The following TERF2IP variants were observed in gnomAD, a reference collection of about 807,000 sequenced individuals.
The protein encoded by TERF2IP is telomeric repeat-binding factor 2-interacting protein 1.
A neutral mutation model predicts 33.3 loss-of-function variants in TERF2IP; 35 were observed. The ratio of observed to expected loss-of-function variants is 1.05; its 90% CI spans 0.80 to 1.39. TERF2IP has a LOEUF of 1.39. Among genes scored for constraint, TERF2IP ranks in the 40% most tolerant of loss-of-function variants. TERF2IP has a pLI of 0.00. For synonymous variants in TERF2IP, 253 were observed against 223.2 expected (o/e 1.13, Z -1.19); for missense variants, 583 against 524.8 (o/e 1.11, Z -1.08).
At chr16:75,650,748 G>C (rs1025449884) in intron 1 of TERF2IP, among the ~76,000 whole-genome samples, 2 of 152,032 alleles carry the variant, frequency 1.3e-5, no homozygotes, top group African/African-American at 4.8e-5. Context: ...TGTTGCCCAG[G>C]CTGGTCTCGA....
chr16:75,651,115 CA>C (rs1456692059), intron 1 of TERF2IP, among the ~76,000 whole-genome samples: 1 of 151,802 alleles, frequency 6.6e-6, no homozygotes, highest in East Asian at 1.9e-4. Flanking sequence ...GTTATGAAGC[CA>C]AAAAGACAAA....
chr16:75,652,724 G>A (rs75249394), intron 1 of TERF2IP, among the ~76,000 whole-genome samples: 46 of 152,120 alleles, frequency 3.0e-4, no homozygotes, highest in East Asian at 5.8e-4. Flanking sequence ...TGTATATACC[G>A]TAAAATTTAC....
chr16:75,647,783 T>G lies in TERF2IP; in HGVS notation c.-100T>G, dbSNP rs1028962639. ...CTGCTGCGCAGGCCCAGTGCTGCGC[T>G]TCGCGGCAGAGGCGTCTGCGGTGAC... is the stretch of plus-strand genomic sequence containing the variant. On this transcript the variant is annotated 5_prime_UTR_variant, in exon 1 of 3. Transcript: ENST00000300086. 9 of 1,574,132 alleles carry G rather than the reference T, an allele frequency of 5.7e-6. No homozygotes were observed. Among genetic ancestry groups the G allele is most frequent in the Non-Finnish European group, 7.8e-6 (9 of 1,147,334 alleles).
At chr16:75,649,531 A>C (rs1295186398) in intron 1 of TERF2IP, among the ~76,000 whole-genome samples, 1 of 149,878 alleles carries the variant, frequency 6.7e-6, no homozygotes, top group Admixed American at 6.8e-5. Context: ...GTGACAGAGC[A>C]AGACTCCATC....
intron 2 of TERF2IP, among the ~76,000 whole-genome samples, chr16:75,655,612 C>G (rs1433261053): frequency 2.0e-5 from 3 of 152,212 alleles, no homozygotes; most frequent in Non-Finnish European, 4.4e-5. Flanking sequence ...ACTTCAAACA[C>G]TCAGCTCTCA....
At chr16:75,651,059 C>G (rs1198321099) in intron 1 of TERF2IP, among the ~76,000 whole-genome samples, 1 of 151,994 alleles carries the variant, frequency 6.6e-6, no homozygotes, top group Non-Finnish European at 1.5e-5. Context: ...AGGATGCTGC[C>G]TGATTTGCCA....
At chr16:75,653,417 G>C (rs561513865) in intron 1 of TERF2IP, among the ~76,000 whole-genome samples, 11 of 152,176 alleles carry the variant, frequency 7.2e-5, no homozygotes, top group African/African-American at 2.4e-4. Flanking sequence ...TTTTAACATA[G>C]GTAAATTTTT....
chr16:75,656,609 T>C lies in TERF2IP; in HGVS notation c.1198T>C (p.Ter400GlnextTer4). 1.3e-6 allele frequency: 2 copies of C among 1,589,878 alleles called. No homozygotes were observed. Among genetic ancestry groups the C allele is most frequent in the South Asian group, 2.3e-5 (2 of 87,152 alleles). Residue 400 changes from the stop codon to glutamine, a stop_lost, in exon 3 of 3, where the codon TAA becomes CAA. Coordinates refer to ENST00000300086, the MANE Select transcript of TERF2IP (RefSeq NM_018975.4). Reference protein sequence around the residue: ...VARRIEFRKK* With the variant: ...VARRIEFRKKQ ...TCGGAGGATTGAATTTCGAAAGAAA[T>C]AATTGGCAAGATAATGAGAAAAGAA...
chr16:75,653,131 G>A (rs1042750120), intron 1 of TERF2IP, among the ~76,000 whole-genome samples: 2 of 152,142 alleles, frequency 1.3e-5, no homozygotes, highest in Non-Finnish European at 2.9e-5. Context: ...TCCATTGTAT[G>A]TATATACTAC....
intron 1 of TERF2IP, among the ~76,000 whole-genome samples, chr16:75,651,661 C>G (rs1175137028): frequency 2.0e-5 from 3 of 152,026 alleles, no homozygotes; most frequent in Admixed American, 1.3e-4. Flanking sequence ...TGCACTCCAG[C>G]CTGGGTGACA....
chr16:75,647,978 C>T lies in TERF2IP; in HGVS notation c.96C>T (p.Tyr32=). 2 of 1,613,734 alleles carry T rather than the reference C, an allele frequency of 1.2e-6. No individual in the cohort carries two copies. The highest frequency in any genetic ancestry group is 1.7e-6 in the Non-Finnish European group (2 of 1,179,886). Residue 32 remains tyrosine, a synonymous_variant, in exon 1 of 3, where the codon TAC becomes TAT. Transcript: ENST00000300086. ...VRDDGSSMSF[Y]VRPSPAKRRL... ...ACGACGGCAGCTCCATGTCCTTCTA[C>T]GTGCGGCCCAGCCCGGCCAAGCGTC...
intron 1 of TERF2IP, among the ~76,000 whole-genome samples, chr16:75,652,107 A>T (rs1278346280): frequency 6.6e-6 from 1 of 152,198 alleles, no homozygotes; most frequent in Admixed American, 6.5e-5. Context: ...TATCCCGTAG[A>T]TATACTCAGA....
chr16:75,648,354 G>A lies in TERF2IP; in HGVS notation c.472G>A (p.Val158Ile). 6.3e-7 allele frequency: 1 copy of A among 1,597,906 alleles called. No homozygotes were observed. The highest frequency in any genetic ancestry group is 8.5e-7 in the Non-Finnish European group (1 of 1,172,736). ...GGAAAATGCCCGCTCGCCCAGCTCC[G>A]TCACCGGTAACGCCTTGTGGAAAGC... ...VKENARSPSS[V>I]TGNALWKAME... Residue 158 changes from valine to isoleucine, a missense_variant, in exon 1 of 3, where the codon GTC (valine) becomes ATC (isoleucine). Physicochemically the swap from Val to Ile is conservative, Grantham distance 29. Coordinates refer to ENST00000300086, the MANE Select transcript of TERF2IP (RefSeq NM_018975.4).
At position 75,648,485 on chromosome 16, in the gene TERF2IP, G is replaced by A. The variant is rs764034301; in HGVS notation, c.603G>A (p.Pro201=). Residue 201 remains proline (P), a synonymous_variant, in exon 1 of 3, where the codon CCG becomes CCA. Transcript: ENST00000300086. ...ATAAGTACCTGCTGGGGGACGCGCC[G>A]GTGAGCCCCTCCTCCCAGAAGCTCA... ...QEHKYLLGDA[P]VSPSSQKLKR... is the part of the protein sequence containing the mutation. 7 of 1,590,620 alleles carry A rather than the reference G, an allele frequency of 4.4e-6. No homozygotes were observed. The highest frequency in any genetic ancestry group is 5.1e-6 in the Non-Finnish European group (6 of 1,169,014).
In TERF2IP at chr16:75,648,067, TGCTGCTGGCCCAGCCCGGGGAGGC is replaced by T; in HGVS notation, c.190_213del (p.Leu64_Leu71del). The T allele has an allele frequency of 6.3e-7, 1 of 1,588,558 alleles. No homozygotes were observed. Among genetic ancestry groups the T allele is most frequent in the South Asian group, 1.1e-5 (1 of 89,326 alleles). On this transcript the variant is annotated inframe_deletion, in exon 1 of 3. Coordinates refer to ENST00000300086, the MANE Select transcript of TERF2IP (RefSeq NM_018975.4). Reference sequence around the variant, plus strand: ...TGCCGAGTGCAGGAGCCCGGGGCCGTGCTGCTGGCCCAGCCCGGGGAGGCGCTGGCCGAGGCCTCGGGTGATTTC... The same window carrying T: ...TGCCGAGTGCAGGAGCCCGGGGCCGTGCTGGCCGAGGCCTCGGGTGATTTC...
Position 75,654,324 on chromosome 16 carries a change from A to G in TERF2IP, c.722A>G (p.Glu241Gly), listed in dbSNP as rs1315343762. The G allele has an allele frequency of 2.5e-6, 4 of 1,613,942 alleles. No individual in the cohort carries two copies. The highest frequency in any genetic ancestry group is 3.4e-6 in the Non-Finnish European group (4 of 1,179,938). ...TTGCCTGAAGAAGAGTATGTGAAGGAAGAAATCCAGGAGAATGAAGAAGCA... is the reference window on the plus strand; with the variant it reads ...TTGCCTGAAGAAGAGTATGTGAAGGGAGAAATCCAGGAGAATGAAGAAGCA... ...PDLPEEEYVK[E>G]EIQENEEAVK... The change falls in exon 2 of 3, where the codon GAA (glutamate) becomes GGA (glycine). Residue 241 changes from glutamate to glycine, a missense_variant. Coordinates refer to ENST00000300086, the MANE Select transcript of TERF2IP (RefSeq NM_018975.4).
Position 75,654,340 on chromosome 16 carries a change from T to A in TERF2IP, c.738T>A (p.Asn246Lys). The change falls in exon 2 of 3, where the codon AAT (asparagine) becomes AAA (lysine). Residue 246 changes from asparagine (N) to lysine (K), a missense_variant. Coordinates refer to ENST00000300086, the MANE Select transcript of TERF2IP (RefSeq NM_018975.4). ...ATGTGAAGGAAGAAATCCAGGAGAA[T>A]GAAGAAGCAGTCAAAAAGATGCTTG... Reference protein sequence around the residue: ...EEYVKEEIQENEEAVKKMLVE... With the variant: ...EEYVKEEIQEKEEAVKKMLVE... 1 of 1,613,968 alleles carries A rather than the reference T, an allele frequency of 6.2e-7. No homozygotes were observed. The highest frequency in any genetic ancestry group is 8.5e-7 in the Non-Finnish European group (1 of 1,179,908).
intron 2 of TERF2IP, 141 bp from the exon 3 acceptor site, chr16:75,656,066 A>G (rs956003342): frequency 2.5e-6 from 2 of 796,660 alleles, no homozygotes; most frequent in Non-Finnish European, 2.0e-6. Flanking sequence ...AAGAAGGAAC[A>G]CAGCATATTA....
At chr16:75,654,054 T>C (rs1205443497) in intron 1 of TERF2IP, among the ~76,000 whole-genome samples, 1 of 150,890 alleles carries the variant, frequency 6.6e-6, no homozygotes, top group African/African-American at 2.4e-5. Flanking sequence ...GTTTGGATAG[T>C]ACATCTTTTC....
Sources: gnomAD v4.1 joint callset for allele counts (sites outside exome capture counted in the v4.1 genomes callset) on GRCh38, gnomAD v4.1.1 for gene constraint, MANE v1.5 for transcripts, NCBI Gene and HGNC (gene_info 2026-07-23, HGNC 2026-07-21) for gene names.